RBFOX1: variants seen among roughly 807,000 people sequenced by gnomAD.
The protein encoded by RBFOX1 is RNA binding fox-1 homolog 1, also known as RNA binding protein fox-1 homolog 1.
A neutral mutation model predicts 57.7 loss-of-function variants in RBFOX1; 8 were observed. The observed-to-expected ratio is 0.14, with a 90% CI of 0.08 to 0.25. The LOEUF (loss-of-function observed/expected upper bound fraction) is 0.25, where lower values mean the gene tolerates loss of function less well. Ranked by LOEUF, RBFOX1 falls within the 10% of genes least tolerant of loss-of-function variation. RBFOX1 has a pLI of 1.00. For synonymous variants in RBFOX1, 326 were observed against 222.4 expected, an observed-to-expected ratio of 1.47 and a Z score of -4.15; for missense variants, 611 against 548.5, an observed-to-expected ratio of 1.11 and a Z score of -1.14.
chr16:5,891,784 C>T (rs555993616), intron 4 of RBFOX1, among the ~76,000 whole-genome samples: 13 of 152,254 alleles, frequency 8.5e-5, no homozygotes, highest in South Asian at 2.1e-4. Flanking sequence ...GCACAGGGCT[C>T]GGACATCTGA....
At chr16:6,777,176 T>C (rs1311440932) in intron 3 of RBFOX1, among the ~76,000 whole-genome samples, 1 of 151,396 alleles carries the variant, frequency 6.6e-6, no homozygotes, top group Non-Finnish European at 1.5e-5. Context: ...GGGTATTTTC[T>C]GAGCTTTAGA....
chr16:7,232,848 C>G (rs911692952), intron 4 of RBFOX1, among the ~76,000 whole-genome samples: 1 of 93,088 alleles, frequency 1.1e-5, no homozygotes, highest in Non-Finnish European at 1.9e-5. Context: ...AACTTCATCT[C>G]TTAATTAAAA....
At chr16:5,421,969 T>C (rs768329606) in intron 1 of RBFOX1, among the ~76,000 whole-genome samples, 3 of 152,112 alleles carry the variant, frequency 2.0e-5, no homozygotes, top group Non-Finnish European at 4.4e-5. Context: ...CTACTGCTAG[T>C]GGGAATAAGG....
In RBFOX1 at chr16:7,672,199, C is replaced by T. The variant is rs192968169; in HGVS notation, c.931-4575C>T. Reference sequence around the variant, plus strand: ...TTCTCACTGCTAAAGCAACCACCAACTGAACAAATTTGTAGGAAGAAAAAA... The same window carrying T: ...TTCTCACTGCTAAAGCAACCACCAATTGAACAAATTTGTAGGAAGAAAAAA... On this transcript the variant is annotated intron_variant, in intron 13 of 15. Coordinates refer to ENST00000550418, the MANE Select transcript of RBFOX1 (RefSeq NM_018723.4). 2.2e-3 allele frequency among the ~76,000 whole-genome samples: 332 copies of T among 152,256 alleles called. 2 individuals carry two copies. The highest frequency in any genetic ancestry group is 4.0e-3 in the Non-Finnish European group (275 of 68,022).
intron 2 of RBFOX1, among the ~76,000 whole-genome samples, chr16:6,342,101 A>G (rs1332664233): frequency 6.6e-6 from 1 of 152,186 alleles, no homozygotes; most frequent in Non-Finnish European, 1.5e-5. Context: ...TGCAAATTCA[A>G]ACAGGAATTG....
chr16:5,601,538 C>G (rs1294777249), downstream of RBFOX1: 1 of 152,194 alleles, frequency 6.6e-6, no homozygotes, highest in Non-Finnish European at 1.5e-5. Flanking sequence ...GCATACCATA[C>G]AAGGGCACGA....
chr16:6,518,562 G>A (rs1446472410), intron 2 of RBFOX1, among the ~76,000 whole-genome samples: 1 of 152,132 alleles, frequency 6.6e-6, no homozygotes, highest in Non-Finnish European at 1.5e-5. Context: ...GGCACCTCCT[G>A]TGCTGGGAAA....
chr16:6,483,478 A>C, intron 2 of RBFOX1: 5 of 1,535,650 alleles, frequency 3.3e-6, no homozygotes, highest in Non-Finnish European at 4.4e-6. Flanking sequence ...GTGAGGAAAC[A>C]GGAGGCACTT....
At chr16:6,924,005 A>C (rs1016420151) in intron 3 of RBFOX1, among the ~76,000 whole-genome samples, 1 of 151,922 alleles carries the variant, frequency 6.6e-6, no homozygotes, top group African/African-American at 2.4e-5. Flanking sequence ...CCCTGTCTCT[A>C]CTAAAAATAC....
chr16:7,510,193 T>C, intron 4 of RBFOX1: 1 of 985,856 alleles, frequency 1.0e-6, no homozygotes, highest in Non-Finnish European at 1.2e-6. Flanking sequence ...CATCCACACA[T>C]TGCACAGCGC....
At chr16:6,373,605 A>ATAGC in intron 2 of RBFOX1, among the ~76,000 whole-genome samples, 1 of 151,450 alleles carries the variant, frequency 6.6e-6, no homozygotes, top group Non-Finnish European at 1.5e-5. Context: ...GGATGAGAGG[A>ATAGC]TGGTTGGCAA....
intron 3 of RBFOX1, among the ~76,000 whole-genome samples, chr16:5,854,986 C>T (rs559360769): frequency 3.3e-5 from 5 of 152,286 alleles, no homozygotes; most frequent in African/African-American, 1.2e-4. Context: ...TCATATTGAG[C>T]ACCTTTTCAT....
intron 2 of RBFOX1, among the ~76,000 whole-genome samples, chr16:6,560,340 T>G (rs4264394): frequency 1.8e-4 from 16 of 87,518 alleles, no homozygotes; most frequent in Middle Eastern, 6.2e-3. Flanking sequence ...GGCAGGAGAG[T>G]GGGGGTGGAA....
intron 4 of RBFOX1, among the ~76,000 whole-genome samples, chr16:7,162,393 C>T (rs1440920618): frequency 1.3e-5 from 2 of 151,678 alleles, no homozygotes; most frequent in Non-Finnish European, 1.5e-5. Flanking sequence ...TATAATTTAG[C>T]AAATTTTATG....
chr16:6,965,552 G>T (rs757267165), intron 3 of RBFOX1, among the ~76,000 whole-genome samples: 1 of 152,136 alleles, frequency 6.6e-6, no homozygotes, highest in Non-Finnish European at 1.5e-5. Context: ...GGCCAGGCTG[G>T]TGTCAAACTC....
At chr16:7,442,410 C>A (rs538613633) in intron 4 of RBFOX1, among the ~76,000 whole-genome samples, 4 of 152,172 alleles carry the variant, frequency 2.6e-5, no homozygotes, top group East Asian at 1.9e-4. Context: ...AACTCTGGGC[C>A]CTGCAACTCT....
chr16:5,265,096 TA>T (rs1046981417), intron 1 of RBFOX1, among the ~76,000 whole-genome samples: 8 of 152,010 alleles, frequency 5.3e-5, no homozygotes, highest in Non-Finnish European at 7.4e-5. Flanking sequence ...GTTCTCAAAT[TA>T]AAAAAATATT....
intron 3 of RBFOX1, among the ~76,000 whole-genome samples, chr16:5,680,234 G>C (rs1031481289): frequency 6.6e-6 from 1 of 152,326 alleles, no homozygotes; most frequent in African/African-American, 2.4e-5. Flanking sequence ...TTTGGGTGCA[G>C]TGTGGCTTAA....
intron 2 of RBFOX1, among the ~76,000 whole-genome samples, chr16:5,557,375 C>T (rs1423940032): frequency 2.7e-5 from 4 of 150,194 alleles, no homozygotes; most frequent in African/African-American, 7.4e-5. Context: ...TTGAGAGGTA[C>T]AATGGGAGTC....
Sources: gnomAD v4.1 joint callset for allele counts (sites outside exome capture counted in the v4.1 genomes callset) on GRCh38, gnomAD v4.1.1 for gene constraint, MANE v1.5 for transcripts, NCBI Gene and HGNC (gene_info 2026-07-23, HGNC 2026-07-21) for gene names.